Variants in ZEB1 observed in about 807,000 individuals in gnomAD.
ZEB1 encodes the protein zinc finger E-box-binding homeobox 1.
Under a neutral mutation model 84.9 loss-of-function variants are expected in ZEB1, and 21 were observed. That is an observed-to-expected ratio of 0.25 (90% CI 0.18 to 0.36). The LOEUF is 0.36. Among genes scored for constraint, ZEB1 ranks in the 10% least tolerant of loss-of-function variants. The pLI is 1.00. For synonymous variants in ZEB1, 420 were observed against 471.1 expected, an observed-to-expected ratio of 0.89 and a Z score of 1.41; for missense variants, 1,104 against 1,330.2, an observed-to-expected ratio of 0.83 and a Z score of 2.65.
At chr10:31,360,819 A>G in intron 1 of ZEB1, 1 of 694,330 alleles carries the variant, frequency 1.4e-6, no homozygotes, top group Non-Finnish European at 2.5e-6. Context: ...CACTTAAAGT[A>G]AAATCTCACA....
At chr10:31,388,659 T>C (rs1179508058) in intron 1 of ZEB1, among the ~76,000 whole-genome samples, 1 of 152,090 alleles carries the variant, frequency 6.6e-6, no homozygotes, top group African/African-American at 2.4e-5. Flanking sequence ...AAAACAGATA[T>C]CATGTAGGTT....
chr10:31,357,288 A>G (rs992918386), intron 1 of ZEB1, among the ~76,000 whole-genome samples: 5 of 152,188 alleles, frequency 3.3e-5, no homozygotes, highest in African/African-American at 1.2e-4. Flanking sequence ...GCGTGTGTAT[A>G]ACTGGGAACT....
At chr10:31,342,358 T>C (rs1302302814) in intron 1 of ZEB1, among the ~76,000 whole-genome samples, 1 of 151,960 alleles carries the variant, frequency 6.6e-6, no homozygotes, top group Non-Finnish European at 1.5e-5. Flanking sequence ...AATAGAGAAA[T>C]TTTAGGTCTG....
intron 1 of ZEB1, among the ~76,000 whole-genome samples, chr10:31,399,453 T>C (rs977494685): frequency 1.3e-5 from 2 of 152,126 alleles, no homozygotes; most frequent in African/African-American, 2.4e-5. Flanking sequence ...TCATTCCACA[T>C]ATGATAATTC....
At position 31,377,004 on chromosome 10, in the gene ZEB1, T is replaced by C. The variant is rs114325967; in HGVS notation, c.58+57712T>C. 9.3e-3 allele frequency among the ~76,000 whole-genome samples: 1,412 copies of C among 151,420 alleles called. 24 individuals carry two copies. The highest frequency in any genetic ancestry group is 0.033 in the African/African-American group (1,354 of 41,434). ...AAGTCCGTGAAATTCTCATCTAAGC[T>C]TTGGGGCCTCTTTAGCTGAATTTCA... On this transcript the variant is annotated intron_variant, in intron 1 of 8. Coordinates refer to ENST00000424869, the MANE Select transcript of ZEB1 (RefSeq NM_001174096.2).
intron 1 of ZEB1, among the ~76,000 whole-genome samples, chr10:31,404,380 A>G (rs538753215): frequency 1.3e-5 from 2 of 152,142 alleles, no homozygotes; most frequent in Non-Finnish European, 2.9e-5. Flanking sequence ...TGCCTATGCA[A>G]GTATTCATTT....
chr10:31,457,427 G>C, intron 1 of ZEB1, among the ~76,000 whole-genome samples: 1 of 151,926 alleles, frequency 6.6e-6, no homozygotes, highest in Non-Finnish European at 1.5e-5. Flanking sequence ...TTTTCTCTCA[G>C]CTAAGTGACA....
intron 1 of ZEB1, among the ~76,000 whole-genome samples, chr10:31,398,607 T>C (rs2051280254): frequency 6.6e-6 from 1 of 152,168 alleles, no homozygotes; most frequent in African/African-American, 2.4e-5. Flanking sequence ...CTCTGAAGTA[T>C]GTAGTTGCCT....
chr10:31,448,465 T>C (rs1242035267), intron 1 of ZEB1, among the ~76,000 whole-genome samples: 1 of 148,428 alleles, frequency 6.7e-6, no homozygotes, highest in Non-Finnish European at 1.5e-5. Context: ...AGGAACTGCG[T>C]TCCTTTGGAG....
intron 1 of ZEB1, among the ~76,000 whole-genome samples, chr10:31,438,596 G>GA (rs1165140102): frequency 6.6e-6 from 1 of 152,156 alleles, no homozygotes; most frequent in Non-Finnish European, 1.5e-5. Flanking sequence ...TAACACTTTG[G>GA]AAGGCCAAGC....
chr10:31,392,186 T>C (rs2049866263), intron 1 of ZEB1, among the ~76,000 whole-genome samples: 1 of 152,134 alleles, frequency 6.6e-6, no homozygotes, highest in African/African-American at 2.4e-5. Flanking sequence ...AAAATGGCCT[T>C]CCAATAAAGT....
chr10:31,525,906 A>G (rs771863676), intron 8 of ZEB1, among the ~76,000 whole-genome samples: 5 of 152,242 alleles, frequency 3.3e-5, no homozygotes, highest in African/African-American at 7.2e-5. Flanking sequence ...AGTGAAAAAT[A>G]TATATGAAAA....
intron 6 of ZEB1, among the ~76,000 whole-genome samples, chr10:31,518,654 A>G (rs1430076131): frequency 6.6e-6 from 1 of 152,158 alleles, no homozygotes; most frequent in Non-Finnish European, 1.5e-5. Flanking sequence ...TTAAGAAAAT[A>G]CTATGTGATG....
At chr10:31,324,283 T>G (rs879501173) in intron 1 of ZEB1, among the ~76,000 whole-genome samples, 10 of 152,064 alleles carry the variant, frequency 6.6e-5, no homozygotes, top group Non-Finnish European at 1.3e-4. Context: ...GCATACCTCC[T>G]ATGTAGTAGC....
chr10:31,456,339 G>C (rs1408838753), intron 1 of ZEB1, among the ~76,000 whole-genome samples: 1 of 152,004 alleles, frequency 6.6e-6, no homozygotes, highest in African/African-American at 2.4e-5. Flanking sequence ...ACATCACCAA[G>C]GCATGTGTAT....
chr10:31,333,960 A>C (rs1312389337), intron 1 of ZEB1, among the ~76,000 whole-genome samples: 2 of 152,088 alleles, frequency 1.3e-5, no homozygotes, highest in African/African-American at 4.8e-5. Context: ...CGAGAGAGTG[A>C]GGGTCACTCA....
intron 8 of ZEB1, 83 bp from the exon 9 acceptor site, chr10:31,526,589 C>A: frequency 6.5e-7 from 1 of 1,527,154 alleles, no homozygotes; most frequent in Non-Finnish European, 8.9e-7. Context: ...CCCCTTTCTA[C>A]AACATGAAGT....
chr10:31,398,222 A>T (rs1365470828), intron 1 of ZEB1, among the ~76,000 whole-genome samples: 1 of 152,164 alleles, frequency 6.6e-6, no homozygotes, highest in African/African-American at 2.4e-5. Context: ...TGTACCTGTT[A>T]ATGAGTTGGG....
Position 31,360,106 on chromosome 10 carries a change from A to G in ZEB1, c.58+40814A>G, listed in dbSNP as rs564996197. Among the ~76,000 whole-genome samples the G allele has an allele frequency of 5.3e-5, 8 of 152,320 alleles. No individual in the cohort carries two copies. In the South Asian group the frequency reaches 1.7e-3, roughly 32 times the overall value. On this transcript the variant is annotated intron_variant, in intron 1 of 8. Coordinates refer to ENST00000424869, the MANE Select transcript of ZEB1 (RefSeq NM_001174096.2). ...CATAATAGATTTGAAGAGCACTTCA[A>G]TGAGTAAAGTACTTGGACTTTACAA...
Sources: allele counts gnomAD v4.1 joint callset (sites outside exome capture counted in the v4.1 genomes callset), GRCh38; gene constraint gnomAD v4.1.1; transcripts MANE v1.5; gene names NCBI Gene and HGNC (gene_info 2026-07-23, HGNC 2026-07-21).